The following BAX variants were observed in gnomAD, a reference collection of about 807,000 sequenced individuals.
BAX encodes BCL2 associated X, apoptosis regulator.
In BAX, 21 loss-of-function variants were observed where a neutral mutation model predicts 26.8. The ratio of observed to expected loss-of-function variants is 0.78; its 90% CI spans 0.56 to 1.13. BAX has a LOEUF of 1.13. Among genes scored for constraint, BAX ranks in the 50% most tolerant of loss-of-function variants. The pLI is 0.00. For synonymous variants in BAX, 110 were observed against 101.8 expected (o/e 1.08, Z -0.49); for missense variants, 236 against 254.6 (o/e 0.93, Z 0.50).
chr19:48,955,628 C>T lies in BAX; in HGVS notation c.86+29C>T, dbSNP rs934186251. The T allele has an allele frequency of 2.5e-6, 4 of 1,613,222 alleles. No homozygotes were observed. In the African/African-American group the frequency reaches 4.0e-5, roughly 16 times the overall value. ...AGTTTGAGGTCTGATTATTGTGGCA[C>T]AGATTTGAGGAGTGACACCCCGTTC... On this transcript the variant is annotated intron_variant, in intron 2 of 5. Coordinates refer to ENST00000345358, the MANE Select transcript of BAX (RefSeq NM_138761.4).
chr19:48,961,502 C>G (rs548474023), intron 5 of BAX, 30 bp from the exon 6 acceptor site: 1 of 1,563,904 alleles, frequency 6.4e-7, no homozygotes, highest in African/African-American at 1.4e-5. Flanking sequence ...CTGGCCGAGT[C>G]ACTGAAGCGA....
intron 4 of BAX, among the ~76,000 whole-genome samples, chr19:48,959,826 CAAA>C (rs764008422): frequency 8.4e-6 from 1 of 118,682 alleles, no homozygotes. Flanking sequence ...AACTCTATCT[CAAA>C]AAAAAAAAAA....
At chr19:48,961,445 G>GGCCTCCTCCGTCCCTGATCCC in intron 5 of BAX, 87 bp from the exon 6 acceptor site, 1 of 1,306,150 alleles carries the variant, frequency 7.7e-7, no homozygotes, top group Non-Finnish European at 1.1e-6. Context: ...CCTGCCTTCT[G>GGCCTCCTCCGTCCCTGATCCC]GCCTCCTCCG....
intron 5 of BAX, 41 bp downstream of exon 5, chr19:48,960,955 T>G: frequency 6.2e-7 from 1 of 1,611,740 alleles, no homozygotes; most frequent in Non-Finnish European, 8.5e-7. Flanking sequence ...CACCGCGCCC[T>G]CACCACCGCC....
In BAX at chr19:48,954,878, C is replaced by G. The variant is rs1416065647; in HGVS notation, c.-51C>G. On this transcript the variant is annotated 5_prime_UTR_variant, in exon 1 of 6. Coordinates refer to ENST00000345358, the MANE Select transcript of BAX (RefSeq NM_138761.4). ...GGGGCTCTCACGTGACCCGGGCGCG[C>G]TGCGGCCGCCCGCGCGGACCCGGCG... 2 of 1,222,700 alleles carry G rather than the reference C, an allele frequency of 1.6e-6. No individual in the cohort carries two copies. Among genetic ancestry groups the G allele is most frequent in the African/African-American group, 1.6e-5 (1 of 64,116 alleles). The allele number at this position is 1,222,700 out of a possible 1,614,324, so 75.7% of individuals were successfully genotyped here. A position where few individuals can be genotyped will look rare whatever the true frequency, so the allele number is the denominator to read the frequency against.
At chr19:48,960,989 C>T (rs772610950) in intron 5 of BAX, 75 bp downstream of exon 5, 61 of 1,612,920 alleles carry the variant, frequency 3.8e-5, no homozygotes, top group South Asian at 1.3e-4. Context: ...CCCTGCCCCC[C>T]GCCACTCCTC....
At chr19:48,957,513 G>A (rs1467139035) in intron 4 of BAX, among the ~76,000 whole-genome samples, 1 of 151,734 alleles carries the variant, frequency 6.6e-6, no homozygotes, top group East Asian at 1.9e-4. Context: ...GGCCTCAAGT[G>A]ATCCGCCCAC....
At chr19:48,956,037 T>A (rs2038115822) in intron 3 of BAX, 161 bp from the exon 4 acceptor site, 1 of 1,171,852 alleles carries the variant, frequency 8.5e-7, no homozygotes, top group Non-Finnish European at 1.2e-6. Context: ...TTCCTAAATG[T>A]CTGTCTTGTC....
At chr19:48,956,657 T>A (rs1181964001) in intron 4 of BAX, among the ~76,000 whole-genome samples, 4 of 149,710 alleles carry the variant, frequency 2.7e-5, no homozygotes, top group Non-Finnish European at 5.9e-5. Flanking sequence ...TTTCTATTTT[T>A]TTTTTTTTTT....
At chr19:48,955,962 G>A in intron 3 of BAX, 129 bp downstream of exon 3, 3 of 1,226,800 alleles carry the variant, frequency 2.4e-6, no homozygotes, top group Non-Finnish European at 1.1e-6. Flanking sequence ...CAAACATTCC[G>A]GACTCCCAGC....
In BAX at chr19:48,956,201, G is replaced by T; in HGVS notation, c.237G>T (p.Met79Ile). 2 of 1,530,918 alleles carry T rather than the reference G, an allele frequency of 1.3e-6. No homozygotes were observed. Among genetic ancestry groups the T allele is most frequent in the Non-Finnish European group, 8.8e-7 (1 of 1,139,052 alleles). The allele number at this position is 1,530,918 out of a possible 1,614,324, so 94.8% of individuals were successfully genotyped here. ...CTGGTTCTCCTCTCTCCTGCAGGAT[G>T]ATTGCCGCCGTGGACACAGACTCCC... ...ELDSNMELQR[M>I]IAAVDTDSPR... The change falls in exon 4 of 6, where the codon ATG (methionine) becomes ATT (isoleucine). Residue 79 changes from methionine (M) to isoleucine (I), a missense_variant. Physicochemically the swap from Met to Ile is conservative, Grantham distance 10. Coordinates refer to ENST00000345358, the MANE Select transcript of BAX (RefSeq NM_138761.4).
At chr19:48,959,778 A>C (rs1163250776) in intron 4 of BAX, among the ~76,000 whole-genome samples, 1 of 150,584 alleles carries the variant, frequency 6.6e-6, no homozygotes, top group Non-Finnish European at 1.5e-5. Context: ...ATGAGCCGAG[A>C]CTGCACTATT....
At chr19:48,961,254 T>G in intron 5 of BAX, 1 of 1,422,394 alleles carries the variant, frequency 7.0e-7, no homozygotes, top group Non-Finnish European at 9.2e-7. Flanking sequence ...TCTTTCCTTT[T>G]TTTTTTTTTC....
chr19:48,955,361 C>T (rs1280933526), intron 1 of BAX, 187 bp from the exon 2 acceptor site: 2 of 621,342 alleles, frequency 3.2e-6, no homozygotes, highest in African/African-American at 3.7e-5. Context: ...AGGATACAGG[C>T]CCAGCCTCCT....
intron 4 of BAX, among the ~76,000 whole-genome samples, chr19:48,959,124 G>C (rs1263486111): frequency 6.6e-6 from 1 of 151,536 alleles, no homozygotes; most frequent in African/African-American, 2.4e-5. Flanking sequence ...GCCGAGGCAG[G>C]GGGATCATGA....
At chr19:48,955,627 A>C in intron 2 of BAX, 28 bp downstream of exon 2, 1 of 1,613,260 alleles carries the variant, frequency 6.2e-7, no homozygotes, top group Non-Finnish European at 8.5e-7. Context: ...TTATTGTGGC[A>C]CAGATTTGAG....
At chr19:48,958,587 A>C (rs2038227818) in intron 4 of BAX, among the ~76,000 whole-genome samples, 2 of 148,156 alleles carry the variant, frequency 1.3e-5, no homozygotes, top group South Asian at 2.1e-4. Flanking sequence ...GGTTGCACCC[A>C]GGCTGGAGTG....
chr19:48,961,473 G>C (rs2038356905), intron 5 of BAX, 59 bp from the exon 6 acceptor site: 2 of 1,452,556 alleles, frequency 1.4e-6, no homozygotes, highest in Admixed American at 1.9e-5. Flanking sequence ...TCCCGCCTCT[G>C]CCTGCCCAGG....
intron 4 of BAX, 129 bp downstream of exon 4, chr19:48,956,462 C>A: frequency 9.8e-7 from 1 of 1,020,844 alleles, no homozygotes; most frequent in Non-Finnish European, 1.4e-6. Flanking sequence ...TGGCTGTGCA[C>A]TGGGTGTCTG....
Sources: gnomAD v4.1 joint callset for allele counts (sites outside exome capture counted in the v4.1 genomes callset) on GRCh38, gnomAD v4.1.1 for gene constraint, MANE v1.5 for transcripts, NCBI Gene and HGNC (gene_info 2026-07-23, HGNC 2026-07-21) for gene names.